The following IRF4 variants were observed in gnomAD, a reference collection of about 807,000 sequenced individuals.
The protein encoded by IRF4 is interferon regulatory factor 4.
In IRF4, 13 loss-of-function variants were observed where a neutral mutation model predicts 55.5. The ratio of observed to expected loss-of-function variants is 0.23; its 90% CI spans 0.15 to 0.37. IRF4 has a LOEUF of 0.37. IRF4 is among the 10% of genes least tolerant of loss of function. IRF4 has a pLI of 1.00. For synonymous variants in IRF4, 249 were observed against 240.7 expected (o/e 1.03, Z -0.32); for missense variants, 397 against 593.8 (o/e 0.67, Z 3.44).
chr6:407,773 G>C lies in IRF4; in HGVS notation c.*175G>C. 1.6e-6 allele frequency: 1 copy of C among 609,320 alleles called. No homozygotes were observed. The highest frequency in any genetic ancestry group is 2.1e-5 in the South Asian group (1 of 47,040). 37.7% of individuals were successfully genotyped at this position (609,320 alleles called of 1,614,324 possible). ...CCTGCCTCAGCCTCCCTGGTAGCTG[G>C]GATTACAGGTGTGAGCCACTGCACC... is the stretch of plus-strand genomic sequence containing the variant. On this transcript the variant is annotated 3_prime_UTR_variant, in exon 9 of 9. Coordinates refer to ENST00000380956, the MANE Select transcript of IRF4 (RefSeq NM_002460.4).
chr6:396,197 T>C, intron 4 of IRF4: 1 of 482,004 alleles, frequency 2.1e-6, no homozygotes. Context: ...ACAGATGTTT[T>C]GTGGAAGTGG....
At position 408,841 on chromosome 6, in the gene IRF4, T is replaced by C. The variant is rs779877499; in HGVS notation, c.*1243T>C. 3 of 233,526 alleles carry C rather than the reference T, an allele frequency of 1.3e-5. No homozygotes were observed. Among genetic ancestry groups the C allele is most frequent in the Non-Finnish European group, 8.5e-6 (1 of 118,068 alleles). The allele number at this position is 233,526 out of a possible 1,614,324, so 14.5% of individuals were successfully genotyped here. A position where few individuals can be genotyped will look rare whatever the true frequency, so the allele number is the denominator to read the frequency against. On this transcript the variant is annotated 3_prime_UTR_variant, in exon 9 of 9. Coordinates refer to ENST00000380956, the MANE Select transcript of IRF4 (RefSeq NM_002460.4). ...GGAACTGCACACTCAGTGGGCTGTT[T>C]CTGCTTATTTCATCTGTTCTATGCT...
chr6:404,352 G>T (rs772055687), intron 7 of IRF4, among the ~76,000 whole-genome samples: 2 of 152,172 alleles, frequency 1.3e-5, no homozygotes, highest in Non-Finnish European at 2.9e-5. Context: ...CAAGCGGGAG[G>T]CCAGGGGGGC....
At chr6:404,125 C>G (rs909058171) in intron 7 of IRF4, among the ~76,000 whole-genome samples, 3 of 152,236 alleles carry the variant, frequency 2.0e-5, no homozygotes, top group Non-Finnish European at 2.9e-5. Context: ...AAGGACGCGT[C>G]TGTTCTGCAG....
At chr6:398,425 A>C (rs951470731) in intron 5 of IRF4, among the ~76,000 whole-genome samples, 1 of 152,222 alleles carries the variant, frequency 6.6e-6, no homozygotes, top group African/African-American at 2.4e-5. Context: ...ATAAAAATGG[A>C]CTAAATAATT....
In IRF4 at chr6:393,462, G is replaced by A. The variant is rs971524409; in HGVS notation, c.216+94G>A. 2.2e-6 allele frequency: 2 copies of A among 926,964 alleles called. No individual in the cohort carries two copies. Among genetic ancestry groups the A allele is most frequent in the East Asian group, 3.4e-5 (1 of 29,518 alleles). The allele number at this position is 926,964 out of a possible 1,614,324, so 57.4% of individuals were successfully genotyped here. ...CGCCGCCTCCGAGGCGAGCCCAGGG[G>A]ACCGCGCGGGGCGGACGGGCGGGCG... On this transcript the variant is annotated intron_variant, in intron 2 of 8. Transcript: ENST00000380956. This position sits in a 1 kb window ranked among gnomAD's most constrained non-coding sequence, Gnocchi z 5.4.
intron 8 of IRF4, among the ~76,000 whole-genome samples, 154 bp downstream of exon 8, chr6:405,284 A>G (rs540553309): frequency 6.6e-6 from 1 of 152,346 alleles, no homozygotes; most frequent in South Asian, 2.1e-4. Flanking sequence ...GCATGGTCCA[A>G]CGAGCAGCAC....
chr6:405,156 A>G (rs200549080), intron 8 of IRF4, 26 bp downstream of exon 8: 254 of 1,241,904 alleles, frequency 2.0e-4, no homozygotes, highest in Non-Finnish European at 2.8e-4. Flanking sequence ...CACTCCTACC[A>G]TAGTGGCTTC....
chr6:396,009 A>G, intron 4 of IRF4, 74 bp downstream of exon 4: 2 of 1,207,216 alleles, frequency 1.7e-6, no homozygotes, highest in Non-Finnish European at 2.4e-6. Flanking sequence ...AGAGAACCAC[A>G]GCAGCCCAGA....
At chr6:407,429 T>A (rs2127442931) in intron 8 of IRF4, 26 bp from the exon 9 acceptor site, 1 of 1,588,836 alleles carries the variant, frequency 6.3e-7, no homozygotes, top group East Asian at 2.2e-5. Flanking sequence ...ATCTCAGTAA[T>A]GTCTTTTTAA....
In IRF4 at chr6:394,919, T is replaced by C. The variant is rs756358063; in HGVS notation, c.315T>C (p.Asn105=). 1 of 1,614,164 alleles carries C rather than the reference T, an allele frequency of 6.2e-7. No homozygotes were observed. The highest frequency in any genetic ancestry group is 8.5e-7 in the Non-Finnish European group (1 of 1,180,022). Residue 105 remains asparagine, a synonymous_variant, in exon 3 of 9, where the codon AAT becomes AAC. Transcript: ENST00000380956. The part of the protein sequence containing the change: ...TRLRCALNKS[N]DFEELVERSQ... ...TGCGGTGCGCTTTGAACAAGAGCAA[T>C]GACTTTGAGGAACTGGTTGAGCGGA...
At chr6:397,333 G>C (rs929660467) in intron 5 of IRF4, 81 bp downstream of exon 5, 2 of 1,512,238 alleles carry the variant, frequency 1.3e-6, no homozygotes, top group East Asian at 4.5e-5. Context: ...GGTCTGTCCT[G>C]GGCAGCACCA....
chr6:397,122 C>T lies in IRF4; in HGVS notation c.507C>T (p.Tyr169=), dbSNP rs752512508. 7 of 1,614,160 alleles carry T rather than the reference C, an allele frequency of 4.3e-6. No individual in the cohort carries two copies. Among genetic ancestry groups the T allele is most frequent in the African/African-American group, 1.3e-5 (1 of 74,952 alleles). Residue 169 remains tyrosine, a synonymous_variant, in exon 5 of 9, where the codon TAC becomes TAT. Coordinates refer to ENST00000380956, the MANE Select transcript of IRF4 (RefSeq NM_002460.4). The part of the protein sequence containing the change: ...PSLPAQQVHN[Y]MMPPLDRSWR... ...CACTCCTTTAGCAGGTTCACAACTA[C>T]ATGATGCCACCCCTCGACCGAAGCT...
At chr6:405,277 T>C in intron 8 of IRF4, 147 bp downstream of exon 8, 1 of 613,658 alleles carries the variant, frequency 1.6e-6, no homozygotes. Context: ...GGAGGAAGCA[T>C]GGTCCAACGA....
Position 393,413 on chromosome 6 carries a change from A to G in IRF4, c.216+45A>G. The G allele has an allele frequency of 8.7e-7, 1 of 1,153,200 alleles. No individual in the cohort carries two copies. The highest frequency in any genetic ancestry group is 1.2e-6 in the Non-Finnish European group (1 of 844,858). The allele number at this position is 1,153,200 out of a possible 1,614,324, so 71.4% of individuals were successfully genotyped here. A position where few individuals can be genotyped will look rare whatever the true frequency, so the allele number is the denominator to read the frequency against. On this transcript the variant is annotated intron_variant, in intron 2 of 8. Transcript: ENST00000380956. This position sits in a 1 kb window ranked among gnomAD's most constrained non-coding sequence, Gnocchi z 5.4. ...GGCGGGGGCGCGCCGGGGAGGGCCC[A>G]GAGACAGAGCCCGGGGTCCCCGGCG...
chr6:408,785 C>T lies in IRF4; in HGVS notation c.*1187C>T, dbSNP rs1277339371. 3.9e-5 allele frequency: 9 copies of T among 233,360 alleles called. No individual in the cohort carries two copies. Among genetic ancestry groups the T allele is most frequent in the Non-Finnish European group, 6.8e-5 (8 of 118,082 alleles). The allele number at this position is 233,360 out of a possible 1,614,324, so 14.5% of individuals were successfully genotyped here. On this transcript the variant is annotated 3_prime_UTR_variant, in exon 9 of 9. Coordinates refer to ENST00000380956, the MANE Select transcript of IRF4 (RefSeq NM_002460.4). ...CCAGGCTGGAGAGCACTGCCAGGAC[C>T]CACCACTGGAAGCAGGATGGAGCTG...
chr6:404,296 C>A (rs1457890823), intron 7 of IRF4, among the ~76,000 whole-genome samples: 1 of 152,196 alleles, frequency 6.6e-6, no homozygotes, highest in African/African-American at 2.4e-5. Context: ...CGTTTTGTAT[C>A]TTTTGGGTAG....
At chr6:400,179 A>G (rs1221478662) in intron 6 of IRF4, among the ~76,000 whole-genome samples, 1 of 152,182 alleles carries the variant, frequency 6.6e-6, no homozygotes, top group African/African-American at 2.4e-5. Flanking sequence ...CTGTTGAGGA[A>G]TAAGATAGTT....
At chr6:395,685 A>T (rs1451139615) in intron 3 of IRF4, among the ~76,000 whole-genome samples, 162 bp from the exon 4 acceptor site, 1 of 152,264 alleles carries the variant, frequency 6.6e-6, no homozygotes, top group Non-Finnish European at 1.5e-5. Flanking sequence ...ATAGCATGAA[A>T]AAATAACTTC....
Sources: gnomAD v4.1 joint callset for allele counts (sites outside exome capture counted in the v4.1 genomes callset) on GRCh38, gnomAD v4.1.1 for gene constraint, Gnocchi (gnomAD v3.1) non-coding constraint, MANE v1.5 for transcripts, NCBI Gene and HGNC (gene_info 2026-07-23, HGNC 2026-07-21) for gene names.